The following DAB1 variants were observed in gnomAD, a reference collection of about 807,000 sequenced individuals.
DAB1 encodes DAB adaptor protein 1, also known as disabled homolog 1.
In DAB1, 15 loss-of-function variants were observed where a neutral mutation model predicts 64.6. The observed-to-expected ratio is 0.23, with a 90% CI of 0.16 to 0.36. The LOEUF is 0.36. Among genes scored for constraint, DAB1 ranks in the 10% least tolerant of loss-of-function variants. The pLI is 1.00. For missense variants in DAB1, 596 were observed against 706.7 expected (o/e 0.84, Z 1.78); for synonymous variants, 235 against 251.9 (o/e 0.93, Z 0.64).
At chr1:58,533,939 T>C (rs763794234) in intron 1 of DAB1, 14 of 869,500 alleles carry the variant, frequency 1.6e-5, no homozygotes, top group Admixed American at 5.1e-5. Context: ...TGAACATTCA[T>C]TTTAGGTACT....
chr1:57,772,594 T>C (rs997834897), intron 6 of DAB1, among the ~76,000 whole-genome samples: 2 of 152,146 alleles, frequency 1.3e-5, no homozygotes, highest in Non-Finnish European at 2.9e-5. Context: ...TTATAAGAAA[T>C]TGGCTGATAT....
intron 5 of DAB1, among the ~76,000 whole-genome samples, chr1:57,922,510 G>C (rs1465710831): frequency 6.6e-6 from 1 of 152,126 alleles, no homozygotes; most frequent in African/African-American, 2.4e-5. Context: ...AGTATCTGGA[G>C]TAACTTTGCC....
intron 4 of DAB1, among the ~76,000 whole-genome samples, chr1:57,123,140 T>C (rs1437262189): frequency 6.6e-6 from 1 of 152,162 alleles, no homozygotes; most frequent in Non-Finnish European, 1.5e-5. Flanking sequence ...CATTTATGCA[T>C]ACGTGGAGAA....
chr1:57,914,200 G>A (rs1318157322), intron 5 of DAB1, among the ~76,000 whole-genome samples: 1 of 152,108 alleles, frequency 6.6e-6, no homozygotes, highest in East Asian at 1.9e-4. Context: ...CAACCCAAAT[G>A]TCCAACAATG....
chr1:57,527,811 G>A (rs1265788272), intron 7 of DAB1, among the ~76,000 whole-genome samples: 1 of 152,072 alleles, frequency 6.6e-6, no homozygotes, highest in Non-Finnish European at 1.5e-5. Context: ...AAAGAACCAG[G>A]CAGACTTTTG....
At chr1:57,084,149 G>T (rs906490699) in intron 4 of DAB1, among the ~76,000 whole-genome samples, 2 of 152,160 alleles carry the variant, frequency 1.3e-5, no homozygotes, top group Non-Finnish European at 2.9e-5. Flanking sequence ...AGTCATTATA[G>T]AAGTATTTAT....
At chr1:58,500,071 C>T (rs1486942502) in intron 3 of DAB1, among the ~76,000 whole-genome samples, 4 of 152,168 alleles carry the variant, frequency 2.6e-5, no homozygotes, top group Non-Finnish European at 5.9e-5. Context: ...AAAATCACCT[C>T]TATTTTTAGC....
chr1:58,391,976 A>G (rs947808014), intron 3 of DAB1, among the ~76,000 whole-genome samples: 2 of 152,238 alleles, frequency 1.3e-5, no homozygotes, highest in African/African-American at 4.8e-5. Flanking sequence ...ATCTTGAAAT[A>G]CCAGAATGAG....
intron 5 of DAB1, among the ~76,000 whole-genome samples, chr1:58,068,610 A>T (rs2100565359): frequency 6.6e-6 from 1 of 151,762 alleles, no homozygotes; most frequent in Non-Finnish European, 1.5e-5. Context: ...CTAATAATAC[A>T]AAAAAATTAG....
At chr1:57,173,705 TG>T (rs908690370) in intron 2 of DAB1, among the ~76,000 whole-genome samples, 5 of 152,222 alleles carry the variant, frequency 3.3e-5, no homozygotes, top group African/African-American at 1.2e-4. Context: ...CATTTTCTTT[TG>T]TTACTTGGCA....
intron 6 of DAB1, among the ~76,000 whole-genome samples, chr1:57,814,959 G>A (rs1651785620): frequency 6.6e-6 from 1 of 152,196 alleles, no homozygotes; most frequent in Admixed American, 6.5e-5. Context: ...CGATGCTGTA[G>A]CAGGGGTTTA....
chr1:57,104,888 A>T (rs1655001850), intron 4 of DAB1, among the ~76,000 whole-genome samples: 1 of 152,178 alleles, frequency 6.6e-6, no homozygotes, highest in African/African-American at 2.4e-5. Flanking sequence ...ATGCCAGCTC[A>T]GAGAGAAGGT....
chr1:57,749,170 T>C (rs1231202629), intron 6 of DAB1, among the ~76,000 whole-genome samples: 5 of 152,184 alleles, frequency 3.3e-5, no homozygotes, highest in African/African-American at 1.2e-4. Flanking sequence ...GAGGGAATTA[T>C]ATTGACAGTG....
intron 3 of DAB1, among the ~76,000 whole-genome samples, chr1:58,372,651 A>C (rs1240583065): frequency 6.6e-6 from 1 of 152,192 alleles, no homozygotes; most frequent in Non-Finnish European, 1.5e-5. Flanking sequence ...CTTGAATTAT[A>C]ATCCAAATTG....
At chr1:57,150,330 T>C (rs1316574194) in intron 2 of DAB1, among the ~76,000 whole-genome samples, 1 of 152,246 alleles carries the variant, frequency 6.6e-6, no homozygotes, top group Non-Finnish European at 1.5e-5. Context: ...GAAACTTTTG[T>C]ACTGACACTG....
At chr1:58,529,316 T>C (rs1646397920) in intron 1 of DAB1, among the ~76,000 whole-genome samples, 1 of 152,166 alleles carries the variant, frequency 6.6e-6, no homozygotes, top group Non-Finnish European at 1.5e-5. Flanking sequence ...TAACAGATTG[T>C]TCCTAAATAA....
At position 57,233,122 on chromosome 1, in the gene DAB1, A is replaced by C. The variant is rs188763995; in HGVS notation, c.67+57842T>G. Among the ~76,000 whole-genome samples, 12 of 152,194 alleles carry C rather than the reference A, an allele frequency of 7.9e-5. No homozygotes were observed. In the East Asian group the frequency reaches 2.3e-3, roughly 29 times the overall value. ...TCCACTGCTAAGACTAAAAAGGAAA[A>C]CCAAGTGCCACGCTTCCAAGTTGGG... On this transcript the variant is annotated intron_variant, in intron 2 of 14. Coordinates refer to ENST00000371236, the MANE Select transcript of DAB1 (RefSeq NM_001365792.1).
intron 3 of DAB1, among the ~76,000 whole-genome samples, chr1:58,358,527 C>A (rs1282961093): frequency 6.6e-6 from 1 of 152,126 alleles, no homozygotes; most frequent in African/African-American, 2.4e-5. Flanking sequence ...CTGAAGCAAT[C>A]CGGTCCCCCT....
intron 2 of DAB1, among the ~76,000 whole-genome samples, chr1:57,148,915 C>T (rs1659400337): frequency 6.6e-6 from 1 of 152,108 alleles, no homozygotes; most frequent in Non-Finnish European, 1.5e-5. Context: ...AGTATAGTCA[C>T]AGAATTGTAT....
Sources: gnomAD v4.1 joint callset for allele counts (sites outside exome capture counted in the v4.1 genomes callset) on GRCh38, gnomAD v4.1.1 for gene constraint, MANE v1.5 for transcripts, NCBI Gene and HGNC (gene_info 2026-07-23, HGNC 2026-07-21) for gene names.